The following MYCBP2 variants were observed in gnomAD, a reference collection of about 807,000 sequenced individuals.
MYCBP2 encodes E3 ubiquitin-protein ligase MYCBP2.
Under a neutral mutation model 525.3 loss-of-function variants are expected in MYCBP2, and 120 were observed. That is an observed-to-expected ratio of 0.23 (90% CI 0.20 to 0.27). The LOEUF is 0.27. Ranked by LOEUF, MYCBP2 falls within the 10% of genes least tolerant of loss-of-function variation. The pLI, the probability that MYCBP2 is intolerant of heterozygous loss-of-function variation, is 1.00. For missense variants in MYCBP2, 4,149 were observed against 5,657.1 expected, an observed-to-expected ratio of 0.73 and a Z score of 8.55; for synonymous variants, 1,894 against 1,955.8, an observed-to-expected ratio of 0.97 and a Z score of 0.83.
At chr13:77,062,944 TTCTA>T (rs2039566025) in intron 73 of MYCBP2, among the ~76,000 whole-genome samples, 1 of 152,220 alleles carries the variant, frequency 6.6e-6, no homozygotes, top group African/African-American at 2.4e-5. Flanking sequence ...CCACCCTGTC[TTCTA>T]TCTGACAAAT....
intron 18 of MYCBP2, among the ~76,000 whole-genome samples, chr13:77,231,610 A>G (rs2154301095): frequency 6.6e-6 from 1 of 152,332 alleles, no homozygotes; most frequent in Admixed American, 6.5e-5. Context: ...TAAATATGTA[A>G]CCTTGGTTTT....
chr13:77,165,818 C>T (rs1224947040), intron 41 of MYCBP2, among the ~76,000 whole-genome samples: 1 of 152,150 alleles, frequency 6.6e-6, no homozygotes, highest in Non-Finnish European at 1.5e-5. Flanking sequence ...GAAGAAGTTT[C>T]TGAAATGAAA....
intron 39 of MYCBP2, 85 bp from the exon 40 acceptor site, chr13:77,168,731 C>T: frequency 8.2e-7 from 1 of 1,215,126 alleles, no homozygotes. Context: ...GTTGGTTACT[C>T]TAATAACAAT....
chr13:77,167,040 T>G (rs1465416099), intron 40 of MYCBP2, among the ~76,000 whole-genome samples: 3 of 148,490 alleles, frequency 2.0e-5, no homozygotes, highest in Non-Finnish European at 4.5e-5. Context: ...ATGAAATAAT[T>G]TAATGATTTT....
chr13:77,118,259 A>G, intron 55 of MYCBP2: 1 of 625,052 alleles, frequency 1.6e-6, no homozygotes, highest in Non-Finnish European at 2.9e-6. Flanking sequence ...AGGTGAGTTG[A>G]TAACTAATTA....
intron 68 of MYCBP2, among the ~76,000 whole-genome samples, chr13:77,072,158 G>A (rs1174502302): frequency 1.3e-5 from 2 of 151,940 alleles, no homozygotes; most frequent in African/African-American, 4.8e-5. Context: ...GGGCATGGTG[G>A]CGGGCGCCTG....
rs2035388320 is a variant in MYCBP2 at position 77,045,596 on chromosome 13, C to T, written c.13922-103G>A. On this transcript the variant is annotated intron_variant, in intron 82 of 82. Coordinates refer to ENST00000544440, the MANE Select transcript of MYCBP2 (RefSeq NM_015057.5). The stretch of plus-strand genomic sequence containing the variant: ...ACTGATAGGTTATTCAAAGAAATAA[C>T]ATGACTATGGTTATACAAATATAAC... 5 of 715,224 alleles carry T rather than the reference C, an allele frequency of 7.0e-6. No homozygotes were observed. In the African/African-American group the frequency reaches 8.9e-5, roughly 13 times the overall value. The allele number at this position is 715,224 out of a possible 1,614,324, so 44.3% of individuals were successfully genotyped here. A position where few individuals can be genotyped will look rare whatever the true frequency, so the allele number is the denominator to read the frequency against.
intron 63 of MYCBP2, among the ~76,000 whole-genome samples, chr13:77,082,674 T>A (rs913239127): frequency 2.0e-5 from 3 of 152,176 alleles, no homozygotes; most frequent in African/African-American, 7.2e-5. Context: ...TCCCCAAGAT[T>A]CTTTTCAAGT....
chr13:77,264,867 G>GCACA (rs139975510), intron 8 of MYCBP2, among the ~76,000 whole-genome samples: 1,677 of 148,786 alleles, frequency 0.011, 29 homozygotes, highest in African/African-American at 0.033. Flanking sequence ...CAAGTTAAAA[G>GCACA]CACACACACA....
chr13:77,313,622 T>C (rs1195511398), intron 1 of MYCBP2, among the ~76,000 whole-genome samples: 1 of 151,996 alleles, frequency 6.6e-6, no homozygotes, highest in Admixed American at 6.6e-5. Context: ...AGCTGAATAC[T>C]AAAATTAAAA....
chr13:77,233,290 T>C (rs746352827), intron 17 of MYCBP2, 27 bp from the exon 18 acceptor site: 9 of 1,525,264 alleles, frequency 5.9e-6, no homozygotes, highest in South Asian at 1.1e-5. Context: ...TGTATGTGCA[T>C]AGAAAAACTC....
At chr13:77,242,575 A>G (rs1011572526) in intron 17 of MYCBP2, among the ~76,000 whole-genome samples, 3 of 152,232 alleles carry the variant, frequency 2.0e-5, no homozygotes, top group African/African-American at 7.2e-5. Flanking sequence ...ACATGAAAGC[A>G]TAGTTATGTG....
At chr13:77,257,870 C>T (rs1205107232) in intron 13 of MYCBP2, 41 bp from the exon 14 acceptor site, 6 of 1,523,848 alleles carry the variant, frequency 3.9e-6, no homozygotes, top group Non-Finnish European at 5.3e-6. Context: ...AACAAAAAGG[C>T]CCTTCTGAGC....
chr13:77,118,185 C>G (rs1188072342), intron 55 of MYCBP2, among the ~76,000 whole-genome samples: 1 of 152,002 alleles, frequency 6.6e-6, no homozygotes. Context: ...TGTCTTAGCT[C>G]AGAATAGCTT....
rs1566772745 is a variant in MYCBP2 at position 77,165,332 on chromosome 13, A to C, written c.6400T>G (p.Ser2134Ala). 3 of 1,612,614 alleles carry C rather than the reference A, an allele frequency of 1.9e-6. No individual in the cohort carries two copies. Among genetic ancestry groups the C allele is most frequent in the Admixed American group, 1.7e-5 (1 of 59,788 alleles). ...ASDYVKDDKA[S>A]FYGFKCFAIG... ...GCAAAACACTTAAAACCATAGAAAG[A>C]AGCTTTGTCATCTTTCACATAATCT... Residue 2134 changes from serine to alanine, a missense_variant, in exon 42 of 83, where the codon TCT becomes GCT. By Grantham distance (99) the Ser-to-Ala change is moderately conservative (BLOSUM62 1). Transcript: ENST00000544440.
chr13:77,324,720 TA>T (rs2082087491), intron 1 of MYCBP2, among the ~76,000 whole-genome samples: 1 of 152,234 alleles, frequency 6.6e-6, no homozygotes, highest in Non-Finnish European at 1.5e-5. Context: ...ATGATTAATC[TA>T]TGTTAATTTT....
chr13:77,325,355 T>TG (rs1219311381), intron 1 of MYCBP2, among the ~76,000 whole-genome samples: 1 of 151,968 alleles, frequency 6.6e-6, no homozygotes, highest in African/African-American at 2.4e-5. Context: ...CAAGAAGCTG[T>TG]GGGAAAAAAA....
At chr13:77,149,283 C>CA (rs1375503313) in intron 47 of MYCBP2, among the ~76,000 whole-genome samples, 2 of 151,990 alleles carry the variant, frequency 1.3e-5, no homozygotes, top group African/African-American at 4.8e-5. Flanking sequence ...CAGTATTTCT[C>CA]AAAGTTTAGG....
intron 47 of MYCBP2, among the ~76,000 whole-genome samples, chr13:77,146,778 G>C (rs2055652939): frequency 1.3e-5 from 2 of 152,142 alleles, no homozygotes; most frequent in African/African-American, 4.8e-5. Flanking sequence ...ACCAAGCGCA[G>C]AGGAGAACAT....
Sources: allele counts gnomAD v4.1 joint callset (sites outside exome capture counted in the v4.1 genomes callset), GRCh38; gene constraint gnomAD v4.1.1; transcripts MANE v1.5; gene names NCBI Gene and HGNC (gene_info 2026-07-23, HGNC 2026-07-21).